The following C9 variants were observed in gnomAD, a reference collection of about 807,000 sequenced individuals.
The protein encoded by C9 is complement component C9.
Under a neutral mutation model 65.4 loss-of-function variants are expected in C9, and 63 were observed. The observed-to-expected ratio is 0.96, with a 90% CI of 0.79 to 1.19. The LOEUF (loss-of-function observed/expected upper bound fraction) is 1.19. Among genes scored for constraint, C9 ranks in the 50% most tolerant of loss-of-function variants. The pLI is 0.00. For synonymous variants in C9, 229 were observed against 227.9 expected, an observed-to-expected ratio of 1.00 and a Z score of -0.04; for missense variants, 744 against 670.1, an observed-to-expected ratio of 1.11 and a Z score of -1.22.
At chr5:39,311,826 C>T (rs1444749736) in intron 6 of C9, among the ~76,000 whole-genome samples, 3 of 152,084 alleles carry the variant, frequency 2.0e-5, no homozygotes, top group Non-Finnish European at 4.4e-5. Flanking sequence ...CATATTAATA[C>T]AATGGAATAC....
At chr5:39,352,071 T>C (rs1426716588) in intron 1 of C9, among the ~76,000 whole-genome samples, 1 of 152,052 alleles carries the variant, frequency 6.6e-6, no homozygotes, top group East Asian at 1.9e-4. Context: ...AACCCAATCA[T>C]GGTGGAAGGG....
At position 39,320,233 on chromosome 5, in the gene C9, G is replaced by C. The variant is rs1253630434; in HGVS notation, c.616-4204C>G. On this transcript the variant is annotated intron_variant, in intron 5 of 10. Coordinates refer to ENST00000263408, the MANE Select transcript of C9 (RefSeq NM_001737.5). ...TAATCAGCTTAAAGAAGCTCAGTGA[G>C]CTACATGAGAATACAGACAGAAGAC... Among the ~76,000 whole-genome samples, 4 of 152,082 alleles carry C rather than the reference G, an allele frequency of 2.6e-5. No homozygotes were observed. The East Asian group carries it at 7.7e-4, about 29-fold the overall frequency.
intron 4 of C9, among the ~76,000 whole-genome samples, chr5:39,333,580 C>T (rs1377814070): frequency 2.8e-5 from 4 of 141,506 alleles, no homozygotes; most frequent in Non-Finnish European, 6.1e-5. Context: ...CCCTCTCCCT[C>T]TCCGTCTCCC....
intron 6 of C9, among the ~76,000 whole-genome samples, chr5:39,314,773 A>G (rs943474374): frequency 6.6e-6 from 1 of 152,112 alleles, no homozygotes; most frequent in African/African-American, 2.4e-5. Flanking sequence ...TTCCTTTTTA[A>G]TCATGCCACC....
rs1372359669 is a variant in C9 at position 39,331,814 on chromosome 5, C to T, written c.477G>A (p.Gly159=). ...GGGGATCCATCCCTAAAATGTTGAT[C>T]CTGAGAATGAACAGAGTAGTATCAG... ...ESELARTAGY[G]INILGMDPLS... Residue 159 remains glycine, a splice_region_variant and synonymous_variant, in exon 5 of 11, where the codon GGG becomes GGA. Coordinates refer to ENST00000263408, the MANE Select transcript of C9 (RefSeq NM_001737.5). 12 of 1,612,876 alleles carry T rather than the reference C, an allele frequency of 7.4e-6. No homozygotes were observed. Among genetic ancestry groups the T allele is most frequent in the Non-Finnish European group, 1.0e-5 (12 of 1,179,048 alleles).
At chr5:39,358,928 G>T (rs910788862) in intron 1 of C9, among the ~76,000 whole-genome samples, 7 of 150,768 alleles carry the variant, frequency 4.6e-5, no homozygotes, top group Admixed American at 4.6e-4. Flanking sequence ...GAGCTTACAG[G>T]GAGCCGAGAT....
chr5:39,327,941 T>C (rs1753779132), intron 5 of C9, among the ~76,000 whole-genome samples: 1 of 152,162 alleles, frequency 6.6e-6, no homozygotes, highest in South Asian at 2.1e-4. Flanking sequence ...ATAAATGCAA[T>C]GCACATATGT....
At position 39,285,247 on chromosome 5, in the gene C9, A is replaced by T; in HGVS notation, c.1646-14T>A. On this transcript the variant is annotated splice_polypyrimidine_tract_variant and intron_variant, in intron 10 of 10. Coordinates refer to ENST00000263408, the MANE Select transcript of C9 (RefSeq NM_001737.5). ...GGGCTGGCAATCCTAGAGAAAACAAATAAGTATCAAATCTTAATCATCAAT... is the reference window on the plus strand; with the variant it reads ...GGGCTGGCAATCCTAGAGAAAACAATTAAGTATCAAATCTTAATCATCAAT... 2 of 1,608,448 alleles carry T rather than the reference A, an allele frequency of 1.2e-6. No homozygotes were observed. Among genetic ancestry groups the T allele is most frequent in the Non-Finnish European group, 1.7e-6 (2 of 1,174,954 alleles).
rs544567518 is a variant in C9 at position 39,311,136 on chromosome 5, C to A, written c.1111+1G>T. 18 of 1,613,298 alleles carry A rather than the reference C, an allele frequency of 1.1e-5. No homozygotes were observed. In the South Asian group the frequency reaches 1.4e-4, roughly 13 times the overall value. On this transcript the variant is annotated splice_donor_variant, in intron 7 of 10. Transcript: ENST00000263408. LOFTEE classifies it high-confidence loss of function. ...AGTCAGAGCTCTATTTCTAGGCATA[C>A]CTTTCCGCTTCATGGAAGCTTTATC...
At chr5:39,354,254 A>G (rs555470237) in intron 1 of C9, among the ~76,000 whole-genome samples, 5 of 152,332 alleles carry the variant, frequency 3.3e-5, no homozygotes, top group South Asian at 4.1e-4. Context: ...TGGAACTGAC[A>G]GGCCACATCA....
chr5:39,317,531 G>A (rs1009458514), intron 5 of C9, among the ~76,000 whole-genome samples: 11 of 152,192 alleles, frequency 7.2e-5, no homozygotes, highest in Non-Finnish European at 1.2e-4. Flanking sequence ...AACATGTAAC[G>A]AAGGGGTCCA....
rs957826937 is a variant in C9, at chr5:39,284,337, T to C, written c.*862A>G. On this transcript the variant is annotated 3_prime_UTR_variant, in exon 11 of 11. Coordinates refer to ENST00000263408, the MANE Select transcript of C9 (RefSeq NM_001737.5). ...GTCTCAGACCCTAAGCACCATGTTC[T>C]CTAATGAATAAGATTGTACAACCAA... 1.3e-5 allele frequency: 2 copies of C among 152,162 alleles called. No homozygotes were observed. The highest frequency in any genetic ancestry group is 4.8e-5 in the African/African-American group (2 of 41,436). The allele number at this position is 152,162 out of a possible 1,614,324, so 9.4% of individuals were successfully genotyped here.
At chr5:39,313,502 ATG>A (rs945009228) in intron 6 of C9, among the ~76,000 whole-genome samples, 6 of 152,164 alleles carry the variant, frequency 3.9e-5, no homozygotes, top group African/African-American at 9.7e-5. Flanking sequence ...AAACTATAAA[ATG>A]TGAACAAACC....
chr5:39,311,178 T>G lies in C9; in HGVS notation c.1070A>C (p.Glu357Ala). Residue 357 changes from glutamate to alanine, a missense_variant, in exon 7 of 11, where the codon GAA becomes GCA. Glu to Ala is a moderately radical substitution (Grantham distance 107, BLOSUM62 -1). Transcript: ENST00000263408. ...AGCTTTATCCAAAACATATATTAGTTCATAGAGTCCTCCTAGAGACCCAGA... is the reference window on the plus strand; with the variant it reads ...AGCTTTATCCAAAACATATATTAGTGCATAGAGTCCTCCTAGAGACCCAGA... ...SSSGSLGGLYELIYVLDKASM... is the reference protein window; with the variant it reads ...SSSGSLGGLYALIYVLDKASM... The G allele has an allele frequency of 6.2e-7, 1 of 1,613,312 alleles. No homozygotes were observed. Among genetic ancestry groups the G allele is most frequent in the South Asian group, 1.1e-5 (1 of 91,052 alleles).
At chr5:39,309,621 G>A (rs1753444328) in intron 7 of C9, among the ~76,000 whole-genome samples, 1 of 152,142 alleles carries the variant, frequency 6.6e-6, no homozygotes, top group Non-Finnish European at 1.5e-5. Context: ...GATAACCTGG[G>A]TGACCCTAAA....
At chr5:39,324,746 A>G (rs1249107949) in intron 5 of C9, among the ~76,000 whole-genome samples, 2 of 152,146 alleles carry the variant, frequency 1.3e-5, no homozygotes, top group African/African-American at 2.4e-5. Flanking sequence ...ACTTGTAACC[A>G]TCATAGAGAG....
chr5:39,353,537 A>T (rs765456498), intron 1 of C9, among the ~76,000 whole-genome samples: 19 of 152,138 alleles, frequency 1.2e-4, no homozygotes, highest in Non-Finnish European at 2.8e-4. Flanking sequence ...TTGGACACAC[A>T]TTATATTTTT....
intron 4 of C9, among the ~76,000 whole-genome samples, chr5:39,338,344 T>C (rs186941790): frequency 8.5e-5 from 13 of 152,224 alleles, no homozygotes; most frequent in African/African-American, 2.9e-4. Context: ...TAAGGTGGTA[T>C]GGTAGAAAAA....
At chr5:39,325,565 G>C (rs1362176922) in intron 5 of C9, among the ~76,000 whole-genome samples, 1 of 152,038 alleles carries the variant, frequency 6.6e-6, no homozygotes, top group Non-Finnish European at 1.5e-5. Context: ...ATGATGTCAG[G>C]AGTTAGAGAC....
Sources: allele counts gnomAD v4.1 joint callset (sites outside exome capture counted in the v4.1 genomes callset), GRCh38; gene constraint gnomAD v4.1.1; transcripts MANE v1.5; gene names NCBI Gene and HGNC (gene_info 2026-07-23, HGNC 2026-07-21).